NEB: variants seen among roughly 807,000 people sequenced by gnomAD.
NEB encodes the protein nemaline myopathy type 2.
A neutral mutation model predicts 952.2 loss-of-function variants in NEB; 512 were observed. The observed-to-expected ratio is 0.54, with a 90% CI of 0.50 to 0.58. The LOEUF is 0.58. Among genes scored for constraint, NEB ranks in the 20% least tolerant of loss-of-function variants. The probability of loss-of-function intolerance (pLI) is 0.00; values close to 1 mark genes in which losing one functional copy is unlikely to be tolerated. For missense variants in NEB, 8,428 were observed against 9,231.1 expected (o/e 0.91, Z 3.56); for synonymous variants, 2,900 against 3,149.8 (o/e 0.92, Z 2.66).
intron 158 of NEB, 112 bp from the exon 159 acceptor site, chr2:151,514,540 A>T (rs1307920455): frequency 2.3e-6 from 2 of 854,070 alleles, no homozygotes; most frequent in East Asian, 4.8e-5. Context: ...ACAGTTTAGT[A>T]AGTAAAAATA....
intron 64 of NEB, among the ~76,000 whole-genome samples, chr2:151,635,813 T>C (rs900128554): frequency 1.3e-5 from 2 of 151,986 alleles, no homozygotes; most frequent in Non-Finnish European, 2.9e-5. Context: ...AAGCACCGCA[T>C]GTGTTTTAAA....
At chr2:151,691,393 A>G (rs2099549292) in intron 23 of NEB, among the ~76,000 whole-genome samples, 1 of 152,138 alleles carries the variant, frequency 6.6e-6, no homozygotes, top group African/African-American at 2.4e-5. Context: ...TTAATTCTGT[A>G]TCATCATCCT....
At position 151,706,910 on chromosome 2, in the gene NEB, G is replaced by A. The variant is rs561542607; in HGVS notation, c.1123C>T (p.Leu375=). 4.4e-6 allele frequency: 7 copies of A among 1,605,864 alleles called. No homozygotes were observed. The South Asian group carries it at 7.9e-5, about 18-fold the overall frequency. The change falls in exon 13 of 182, where the codon CTG becomes TTG. Residue 375 remains leucine, a synonymous_variant. Transcript: ENST00000397345. Reference sequence around the variant, plus strand: ...CTTAGGGCATCTCCTGCTGCCTTCAGCTGCCTAAGCTGTGGGTTCTCTGAA... The same window carrying A: ...CTTAGGGCATCTCCTGCTGCCTTCAACTGCCTAAGCTGTGGGTTCTCTGAA... ...PASENPQLRQ[L]KAAGDALSDK...
At chr2:151,706,816 A>G (rs2099708507) in intron 13 of NEB, 65 bp downstream of exon 13, 4 of 1,168,362 alleles carry the variant, frequency 3.4e-6, no homozygotes, top group Non-Finnish European at 3.7e-6. Flanking sequence ...TTAGTCATTA[A>G]AGGAGAAAAT....
rs1464286398 is a variant in NEB at position 151,675,336 on chromosome 2, T to C, written c.3830A>G (p.Asp1277Gly). ...CTTGGCCTGGAGAAACTGAGGAAGATCAGGACTCATGGTGTATTTATGTTT... is the reference window on the plus strand; with the variant it reads ...CTTGGCCTGGAGAAACTGAGGAAGACCAGGACTCATGGTGTATTTATGTTT... ...DVKHKYTMSP[D>G]LPQFLQAKCN... is the part of the protein sequence containing the mutation. The change falls in exon 35 of 182, where the codon GAT (aspartate) becomes GGT (glycine). Residue 1277 changes from aspartate (D) to glycine (G), a missense_variant. Coordinates refer to ENST00000397345, the MANE Select transcript of NEB (RefSeq NM_001164508.2). The C allele has an allele frequency of 6.3e-7, 1 of 1,595,676 alleles. No individual in the cohort carries two copies. Among genetic ancestry groups the C allele is most frequent in the East Asian group, 2.2e-5 (1 of 44,560 alleles).
rs904272665 is a variant in NEB, at chr2:151,644,860, G to T, written c.7537-285C>A. On this transcript the variant is annotated intron_variant, in intron 55 of 181. Transcript: ENST00000397345. Reference sequence around the variant, plus strand: ...GAGAAATGTATTGTTAGGTGATTTTGTCCTTGTGGGAACATCACAGAGTGT... The same window carrying T: ...GAGAAATGTATTGTTAGGTGATTTTTTCCTTGTGGGAACATCACAGAGTGT... Among the ~76,000 whole-genome samples, 2 of 152,116 alleles carry T rather than the reference G, an allele frequency of 1.3e-5. 1 individual carries two copies. Among genetic ancestry groups the T allele is most frequent in the Admixed American group, 1.3e-4 (2 of 15,274 alleles).
At chr2:151,546,501 A>G (rs1046588752) in intron 133 of NEB, 58 bp from the exon 134 acceptor site, 12 of 1,059,070 alleles carry the variant, frequency 1.1e-5, no homozygotes, top group Non-Finnish European at 1.6e-5. Context: ...CAGGAAACAC[A>G]AAAGATGGAG....
At chr2:151,731,355 TTAGAG>T (rs750607813) in intron 3 of NEB, among the ~76,000 whole-genome samples, 11 of 152,188 alleles carry the variant, frequency 7.2e-5, no homozygotes, top group South Asian at 2.1e-4. Flanking sequence ...CAAGTTTAAG[TTAGAG>T]TAGAGAGAAC....
At chr2:151,714,528 A>G (rs2099753946) in intron 10 of NEB, among the ~76,000 whole-genome samples, 1 of 152,124 alleles carries the variant, frequency 6.6e-6, no homozygotes, top group Non-Finnish European at 1.5e-5. Context: ...CTTCATTCTG[A>G]AGGCTCCCGT....
Position 151,659,163 on chromosome 2 carries a change from A to T in NEB, c.5977T>A (p.Tyr1993Asn), listed in dbSNP as rs2099118590. The T allele has an allele frequency of 6.2e-7, 1 of 1,605,292 alleles. No individual in the cohort carries two copies. The highest frequency in any genetic ancestry group is 8.5e-7 in the Non-Finnish European group (1 of 1,172,240). Residue 1993 changes from tyrosine to asparagine, a missense_variant, in exon 47 of 182, where the codon TAC becomes AAC. Tyr to Asn is a moderately radical substitution (Grantham distance 143, BLOSUM62 -2). Around this residue, in one of 11 missense-constraint regions of NEB, gnomAD observed 2,851 missense variants for 2,791.5 expected, o/e 1.02. Transcript: ENST00000397345. ...NNAKIMNEHL[Y>N]KQAWEADKTK... ...TTGTCAGCCTCCCATGCTTGTTTGT[A>T]GAGATGCTAGGAAAAAAACAGTGTA...
chr2:151,644,626 T>G, intron 55 of NEB, 51 bp from the exon 56 acceptor site: 1 of 1,406,356 alleles, frequency 7.1e-7, no homozygotes, highest in Non-Finnish European at 1.0e-6. Context: ...CATAGACAAA[T>G]ATAGCATAAT....
At chr2:151,571,867 G>A (rs1455454994) in intron 107 of NEB, among the ~76,000 whole-genome samples, 1 of 152,178 alleles carries the variant, frequency 6.6e-6, no homozygotes, top group Non-Finnish European at 1.5e-5. Flanking sequence ...CAGTTTTGTA[G>A]CTTTTGCATG....
chr2:151,639,815 G>T (rs1418520207), intron 62 of NEB, 42 bp downstream of exon 62: 3 of 1,511,066 alleles, frequency 2.0e-6, no homozygotes, highest in Admixed American at 3.8e-5. Context: ...TGTTGATTCA[G>T]CTTTAGGAGC....
At position 151,655,258 on chromosome 2, in the gene NEB, A is replaced by T; in HGVS notation, c.6807+12T>A. 7.0e-7 allele frequency: 1 copy of T among 1,425,462 alleles called. No homozygotes were observed. The highest frequency in any genetic ancestry group is 1.3e-5 in the South Asian group (1 of 78,928). The allele number at this position is 1,425,462 out of a possible 1,614,324, so 88.3% of individuals were successfully genotyped here. A position where few individuals can be genotyped will look rare whatever the true frequency, so the allele number is the denominator to read the frequency against. On this transcript the variant is annotated intron_variant, in intron 51 of 181. Transcript: ENST00000397345. ...AATACAAAACTTAAAATTAATTTTT[A>T]TATAAATTTACCTGACTATACAGTG... is the stretch of plus-strand genomic sequence containing the variant.
rs756281965 is a variant in NEB, at chr2:151,502,846, G to A, written c.23875C>T (p.Pro7959Ser). 1 of 1,606,712 alleles carries A rather than the reference G, an allele frequency of 6.2e-7. No individual in the cohort carries two copies. Among genetic ancestry groups the A allele is most frequent in the South Asian group, 1.1e-5 (1 of 88,934 alleles). ...KENLGKGIPTPITPEMERVKR... is the reference protein window; with the variant it reads ...KENLGKGIPTSITPEMERVKR... Reference sequence around the variant, plus strand: ...ACTCTCTCCATCTCTGGAGTGATAGGTGTTGGGATTCCTTTCCCCAAATTT... The same window carrying A: ...ACTCTCTCCATCTCTGGAGTGATAGATGTTGGGATTCCTTTCCCCAAATTT... The change falls in exon 167 of 182, where the codon CCT becomes TCT. Residue 7959 changes from proline (P) to serine (S), a missense_variant. This residue lies in a region of NEB where 3,374 missense variants were observed against 3,651.5 expected (regional missense o/e 0.92). Coordinates refer to ENST00000397345, the MANE Select transcript of NEB (RefSeq NM_001164508.2).
At chr2:151,509,049 A>G (rs1324484655) in intron 161 of NEB, among the ~76,000 whole-genome samples, 2 of 152,314 alleles carry the variant, frequency 1.3e-5, no homozygotes, top group African/African-American at 4.8e-5. Context: ...CTGAGGAATG[A>G]GACTAGCCAC....
chr2:151,643,430 T>C, intron 57 of NEB, 77 bp from the exon 58 acceptor site: 2 of 1,280,206 alleles, frequency 1.6e-6, no homozygotes, highest in Non-Finnish European at 2.1e-6. Flanking sequence ...AATTAAATCA[T>C]TTGCCCCTAA....
At chr2:151,556,580 G>C (rs962023865) in intron 124 of NEB, among the ~76,000 whole-genome samples, 1 of 152,092 alleles carries the variant, frequency 6.6e-6, no homozygotes, top group Non-Finnish European at 1.5e-5. Context: ...GTTTTACACA[G>C]ACTTTAAACC....
chr2:151,666,770 G>A (rs1189984404), intron 40 of NEB, among the ~76,000 whole-genome samples: 1 of 151,864 alleles, frequency 6.6e-6, no homozygotes, highest in Non-Finnish European at 1.5e-5. Context: ...AGAGTGCAAT[G>A]GTGCAGTCAT....
Sources: allele counts gnomAD v4.1 joint callset (sites outside exome capture counted in the v4.1 genomes callset), GRCh38; gene constraint gnomAD v4.1.1; regional missense constraint gnomAD v4.1.1; transcripts MANE v1.5; gene names NCBI Gene and HGNC (gene_info 2026-07-23, HGNC 2026-07-21).